Variants in EYS observed in about 807,000 individuals in gnomAD.
EYS encodes protein eyes shut homolog.
EYS carries 250 observed loss-of-function variants against 282.1 expected under a neutral mutation model. The ratio of observed to expected loss-of-function variants is 0.89; its 90% confidence interval spans 0.80 to 0.98. EYS has a LOEUF of 0.98. Among genes scored for constraint, EYS ranks in the 50% least tolerant of loss-of-function variants. The pLI is 0.00. For synonymous variants in EYS, 1,355 were observed against 1,282.9 expected (o/e 1.06, Z -1.20); for missense variants, 4,016 against 3,709.0 (o/e 1.08, Z -2.15).
At chr6:64,525,699 T>C (rs1395157103) in intron 26 of EYS, among the ~76,000 whole-genome samples, 1 of 151,360 alleles carries the variant, frequency 6.6e-6, no homozygotes, top group African/African-American at 2.4e-5. Context: ...AAAATAAAAA[T>C]AAAAAACAGT....
intron 33 of EYS, among the ~76,000 whole-genome samples, chr6:64,062,025 A>T (rs1391534880): frequency 6.6e-6 from 1 of 152,120 alleles, no homozygotes; most frequent in African/African-American, 2.4e-5. Flanking sequence ...AAATACTTTA[A>T]TATTGAAGAC....
chr6:65,110,642 A>T (rs1175972866), intron 12 of EYS, among the ~76,000 whole-genome samples: 2 of 152,086 alleles, frequency 1.3e-5, no homozygotes, highest in Non-Finnish European at 2.9e-5. Flanking sequence ...TAAGCCAAAG[A>T]TGCAAACATT....
chr6:64,873,187 A>T (rs1766646417), intron 19 of EYS, among the ~76,000 whole-genome samples: 1 of 152,064 alleles, frequency 6.6e-6, no homozygotes, highest in South Asian at 2.1e-4. Context: ...GGTGAAAGGC[A>T]CATCTCACAT....
chr6:63,862,796 T>A (rs1772568286), intron 36 of EYS, among the ~76,000 whole-genome samples: 1 of 151,896 alleles, frequency 6.6e-6, no homozygotes, highest in Non-Finnish European at 1.5e-5. Flanking sequence ...TCTCTTTTTA[T>A]AAAAATGACT....
intron 2 of EYS, among the ~76,000 whole-genome samples, chr6:65,559,795 T>A (rs571372503): frequency 6.6e-6 from 1 of 152,164 alleles, no homozygotes; most frequent in South Asian, 2.1e-4. Context: ...TTGTCCAATT[T>A]TTGAATTTAT....
chr6:65,036,515 A>T (rs1232574063), intron 13 of EYS, among the ~76,000 whole-genome samples: 1 of 151,734 alleles, frequency 6.6e-6, no homozygotes, highest in African/African-American at 2.4e-5. Context: ...TTTCAACCAG[A>T]TAAACAGATA....
chr6:64,316,546 G>A (rs1271115608), intron 29 of EYS, among the ~76,000 whole-genome samples: 1 of 152,028 alleles, frequency 6.6e-6, no homozygotes, highest in Admixed American at 6.6e-5. Flanking sequence ...ACCAAACACG[G>A]CTCAAGGAAA....
intron 24 of EYS, among the ~76,000 whole-genome samples, chr6:64,603,408 A>G (rs1339257618): frequency 1.3e-5 from 2 of 151,926 alleles, no homozygotes; most frequent in Non-Finnish European, 2.9e-5. Flanking sequence ...ATTAGAGATC[A>G]GGAGACCCCA....
intron 31 of EYS, among the ~76,000 whole-genome samples, chr6:64,163,602 G>T (rs1271211616): frequency 6.6e-6 from 1 of 151,996 alleles, no homozygotes; most frequent in Admixed American, 6.6e-5. Flanking sequence ...TAACCGTTTA[G>T]CTATTATGTG....
chr6:64,044,532 C>A (rs942673341), intron 33 of EYS, among the ~76,000 whole-genome samples: 2 of 152,170 alleles, frequency 1.3e-5, no homozygotes, highest in African/African-American at 2.4e-5. Context: ...CCCTGGTGTT[C>A]AACTCAGCTT....
intron 36 of EYS, among the ~76,000 whole-genome samples, chr6:63,824,747 G>A (rs1156279990): frequency 6.6e-6 from 1 of 152,176 alleles, no homozygotes; most frequent in Non-Finnish European, 1.5e-5. Flanking sequence ...CAGCAGAAAG[G>A]CCCTGGGAGC....
intron 26 of EYS, among the ~76,000 whole-genome samples, chr6:64,525,569 G>T (rs1777890176): frequency 6.6e-6 from 1 of 151,548 alleles, no homozygotes; most frequent in South Asian, 2.1e-4. Context: ...ATAATACTTG[G>T]TACTGGGCTT....
At chr6:64,566,289 C>T (rs1254779616) in intron 26 of EYS, among the ~76,000 whole-genome samples, 1 of 152,064 alleles carries the variant, frequency 6.6e-6, no homozygotes, top group Non-Finnish European at 1.5e-5. Flanking sequence ...GAAAAATTGA[C>T]ACCCTGGGAG....
intron 26 of EYS, among the ~76,000 whole-genome samples, chr6:64,499,121 C>T (rs1197007795): frequency 6.6e-6 from 1 of 152,168 alleles, no homozygotes; most frequent in Non-Finnish European, 1.5e-5. Flanking sequence ...TTGCCAGCAT[C>T]TGTTATTTCC....
rs192683557 is a variant in EYS at position 64,420,030 on chromosome 6, C to T, written c.5927+16144G>A. On this transcript the variant is annotated intron_variant, in intron 28 of 42. Coordinates refer to ENST00000503581, the MANE Select transcript of EYS (RefSeq NM_001142800.2). ...CTCTGCCCCTGAAGCAAACTTCTGC[C>T]TAGACATCCAGGCATTTCCATACCT... Among the ~76,000 whole-genome samples, 196 of 151,946 alleles carry T rather than the reference C, an allele frequency of 1.3e-3. 2 individuals are homozygous for T. The highest frequency in any genetic ancestry group is 4.6e-3 in the African/African-American group (189 of 41,538).
At chr6:64,652,397 G>A (rs1192695406) in intron 22 of EYS, among the ~76,000 whole-genome samples, 1 of 152,128 alleles carries the variant, frequency 6.6e-6, no homozygotes, top group African/African-American at 2.4e-5. Flanking sequence ...GAACAAGGGG[G>A]CAAGGACCTA....
chr6:64,331,013 T>C (rs1313722566), intron 29 of EYS, among the ~76,000 whole-genome samples: 1 of 152,146 alleles, frequency 6.6e-6, no homozygotes, highest in Non-Finnish European at 1.5e-5. Flanking sequence ...ACTTTACTGA[T>C]GAAAGCAGCT....
At chr6:65,174,382 C>CT in intron 12 of EYS, among the ~76,000 whole-genome samples, 1 of 151,214 alleles carries the variant, frequency 6.6e-6, no homozygotes, top group South Asian at 2.1e-4. Flanking sequence ...ATACAAATTT[C>CT]AAAAATATTT....
chr6:65,094,403 T>C (rs1388338748), intron 12 of EYS, among the ~76,000 whole-genome samples: 1 of 145,764 alleles, frequency 6.9e-6, no homozygotes, highest in Non-Finnish European at 1.5e-5. Context: ...AAAGATTCCA[T>C]ACAATAGCAG....
Sources: allele counts gnomAD v4.1 joint callset (sites outside exome capture counted in the v4.1 genomes callset), GRCh38; gene constraint gnomAD v4.1.1; transcripts MANE v1.5; gene names NCBI Gene and HGNC (gene_info 2026-07-23, HGNC 2026-07-21).